The following INSIG1 variants were observed in gnomAD, a reference collection of about 807,000 sequenced individuals.
The protein encoded by INSIG1 is insulin-induced gene 1 protein.
INSIG1 carries 14 observed loss-of-function variants against 26.5 expected under a neutral mutation model. The observed-to-expected ratio is 0.53, with a 90% CI of 0.35 to 0.83. The LOEUF is 0.83. Among genes scored for constraint, INSIG1 ranks in the 40% least tolerant of loss-of-function variants. The pLI is 0.01. For missense variants in INSIG1, 272 were observed against 368.9 expected, an observed-to-expected ratio of 0.74 and a Z score of 2.15; for synonymous variants, 147 against 153.3, an observed-to-expected ratio of 0.96 and a Z score of 0.30.
At chr7:155,299,530 C>T (rs948600967) in intron 2 of INSIG1, among the ~76,000 whole-genome samples, 6 of 152,202 alleles carry the variant, frequency 3.9e-5, no homozygotes, top group African/African-American at 1.2e-4. Flanking sequence ...GTGCTTTCTG[C>T]AACCTCAACT....
intron 5 of INSIG1, among the ~76,000 whole-genome samples, chr7:155,304,121 A>T (rs1026495088): frequency 1.3e-5 from 2 of 151,538 alleles, no homozygotes; most frequent in Non-Finnish European, 2.9e-5. Context: ...ATGCCACCAT[A>T]CCCGGCTAAC....
At chr7:155,305,254 ACT>A (rs1797907659) in intron 5 of INSIG1, among the ~76,000 whole-genome samples, 1 of 151,678 alleles carries the variant, frequency 6.6e-6, no homozygotes, top group Non-Finnish European at 1.5e-5. Context: ...CCCGCCTACC[ACT>A]GTTTTTATTC....
rs1358973756 is a variant in INSIG1 at position 155,298,386 on chromosome 7, T to C, written c.101T>C (p.Val34Ala). The change falls in exon 2 of 6, where the codon GTT (valine) becomes GCT (alanine). Residue 34 changes from valine to alanine, a missense_variant. Val to Ala is a moderately conservative substitution (Grantham distance 64). This residue lies in a region of INSIG1 where 161 missense variants were observed against 179.2 expected (regional missense o/e 0.90). Coordinates refer to ENST00000340368, the MANE Select transcript of INSIG1 (RefSeq NM_005542.6). Reference sequence around the variant, plus strand: ...AGCGCCGCGGGGCTGGCGGCCAAGGTTGGGGAGATGATCAACGTTTCCGTG... The same window carrying C: ...AGCGCCGCGGGGCTGGCGGCCAAGGCTGGGGAGATGATCAACGTTTCCGTG... ...RASAAGLAAK[V>A]GEMINVSVSG... 1.9e-6 allele frequency: 3 copies of C among 1,562,814 alleles called. No homozygotes were observed. Among genetic ancestry groups the C allele is most frequent in the East Asian group, 2.3e-5 (1 of 43,180 alleles).
rs1797995730 is a variant in INSIG1 at position 155,308,420 on chromosome 7, C to T, written c.*150C>T. 1 of 901,268 alleles carries T rather than the reference C, an allele frequency of 1.1e-6. No homozygotes were observed. The highest frequency in any genetic ancestry group is 1.8e-6 in the Non-Finnish European group (1 of 543,534). 55.8% of individuals were successfully genotyped at this position (901,268 alleles called of 1,614,324 possible). ...TCCTGGAAAAAACTCTTCACCTAGTCTAGAATAGGGAGGTGGAGAATGATG... is the reference window on the plus strand; with the variant it reads ...TCCTGGAAAAAACTCTTCACCTAGTTTAGAATAGGGAGGTGGAGAATGATG... On this transcript the variant is annotated 3_prime_UTR_variant, in exon 6 of 6. Transcript: ENST00000340368.
At chr7:155,298,924 T>C (rs1797710046) in intron 2 of INSIG1, among the ~76,000 whole-genome samples, 1 of 152,132 alleles carries the variant, frequency 6.6e-6, no homozygotes, top group Non-Finnish European at 1.5e-5. Flanking sequence ...AGCACAGTGA[T>C]GGAGATGAGG....
At chr7:155,298,141 G>C in intron 1 of INSIG1, 118 bp from the exon 2 acceptor site, 1 of 812,018 alleles carries the variant, frequency 1.2e-6, no homozygotes, top group Non-Finnish European at 1.7e-6. Context: ...CGGGCGCACG[G>C]GGGTCTAACC....
At chr7:155,299,641 C>G (rs1797731594) in intron 2 of INSIG1, among the ~76,000 whole-genome samples, 1 of 152,334 alleles carries the variant, frequency 6.6e-6, no homozygotes, top group Middle Eastern at 3.4e-3. Context: ...ATGTCAGTGA[C>G]TCCAGTGCAG....
At position 155,298,295 on chromosome 7, in the gene INSIG1, T is replaced by G. The variant is rs764575142; in HGVS notation, c.10T>G (p.Leu4Val). The G allele has an allele frequency of 2.0e-6, 3 of 1,488,910 alleles. No individual in the cohort carries two copies. The highest frequency in any genetic ancestry group is 2.7e-6 in the Non-Finnish European group (3 of 1,125,472). The allele number at this position is 1,488,910 out of a possible 1,614,324, so 92.2% of individuals were successfully genotyped here. MPR[L>V]HDHFWSCSCA... ...TGGACGCGTGTGACCGATGCCCAGA[T>G]TGCACGACCACTTCTGGAGCTGCTC... The change falls in exon 2 of 6, where the codon TTG becomes GTG. Residue 4 changes from leucine to valine, a missense_variant. By Grantham distance (32) the Leu-to-Val change is conservative. Around this residue, in one of 2 missense-constraint regions of INSIG1, gnomAD observed 161 missense variants for 179.2 expected, o/e 0.90. Transcript: ENST00000340368.
rs746866191 is a variant in INSIG1, at chr7:155,303,931, C to CTG, written c.804+1086_804+1087dup. 1.2e-5 allele frequency: 14 copies of CTG among 1,145,266 alleles called. No homozygotes were observed. In the African/African-American group the frequency reaches 2.1e-4, roughly 17 times the overall value. 70.9% of individuals were successfully genotyped at this position (1,145,266 alleles called of 1,614,324 possible). On this transcript the variant is annotated intron_variant, in intron 5 of 5. Coordinates refer to ENST00000340368, the MANE Select transcript of INSIG1 (RefSeq NM_005542.6). Reference sequence around the variant, plus strand: ...CAGTCTTCCACTGGTTACTGACTCTCTGCTGCCAAATTTCTCATGATGGAG... The same window carrying CTG: ...CAGTCTTCCACTGGTTACTGACTCTCTGTGCTGCCAAATTTCTCATGATGGAG...
chr7:155,301,962 AATAT>A (rs906923106), intron 3 of INSIG1, among the ~76,000 whole-genome samples: 5 of 146,222 alleles, frequency 3.4e-5, no homozygotes, highest in African/African-American at 1.2e-4. Flanking sequence ...ATATATAATA[AATAT>A]ATATTTATAT....
chr7:155,302,975 AGC>A lies in INSIG1; in HGVS notation c.804+130_804+131del. On this transcript the variant is annotated intron_variant, in intron 5 of 5. Coordinates refer to ENST00000340368, the MANE Select transcript of INSIG1 (RefSeq NM_005542.6). This position sits in a 1 kb window ranked among gnomAD's most constrained non-coding sequence, Gnocchi z 4.3. The stretch of plus-strand genomic sequence containing the variant: ...GACTTGAGTGACAACTACTGAGAAA[AGC>A]TTATATTTAAAAAAATAGGTAATGA... The A allele has an allele frequency of 1.7e-6, 1 of 577,222 alleles. No homozygotes were observed. The highest frequency in any genetic ancestry group is 3.1e-6 in the Non-Finnish European group (1 of 318,594). 35.8% of individuals were successfully genotyped at this position (577,222 alleles called of 1,614,324 possible). A position where few individuals can be genotyped will look rare whatever the true frequency, so the allele number is the denominator to read the frequency against.
chr7:155,297,961 T>TCTTGG lies in INSIG1; in HGVS notation c.-28+2_-28+3insCTTGG. The TCTTGG allele has an allele frequency of 1.4e-5, 3 of 217,808 alleles. 1 individual carries two copies. The highest frequency in any genetic ancestry group is 2.7e-5 in the Non-Finnish European group (3 of 111,348). 13.5% of individuals were successfully genotyped at this position (217,808 alleles called of 1,614,324 possible). Reference sequence around the variant, plus strand: ...GGCGGGCGGGCGCCTCTCGGCCAGGTACGCGGCCGGCTGGGATAGGGGTCG... The same window carrying TCTTGG: ...GGCGGGCGGGCGCCTCTCGGCCAGGTCTTGGACGCGGCCGGCTGGGATAGGGGTCG... On this transcript the variant is annotated splice_region_variant and intron_variant, in intron 1 of 5. Coordinates refer to ENST00000340368, the MANE Select transcript of INSIG1 (RefSeq NM_005542.6).
At chr7:155,303,858 A>C (rs1240995423) in intron 5 of INSIG1, 1 of 1,365,970 alleles carries the variant, frequency 7.3e-7, no homozygotes, top group Non-Finnish European at 9.8e-7. Context: ...GAATTTGAAG[A>C]CCACTTGGCT....
At chr7:155,306,795 C>A (rs1203631226) in intron 5 of INSIG1, among the ~76,000 whole-genome samples, 10 of 150,672 alleles carry the variant, frequency 6.6e-5, no homozygotes, top group Admixed American at 6.6e-4. Flanking sequence ...CCACACTGCC[C>A]TTTCAACACA....
Position 155,308,580 on chromosome 7 carries a change from G to C in INSIG1, c.*310G>C. On this transcript the variant is annotated 3_prime_UTR_variant, in exon 6 of 6. Coordinates refer to ENST00000340368, the MANE Select transcript of INSIG1 (RefSeq NM_005542.6). ...GATTTCATTCATGTGATTAAAACAAGTTGCCATATTTCAAAGCCTTGAACT... is the reference window on the plus strand; with the variant it reads ...GATTTCATTCATGTGATTAAAACAACTTGCCATATTTCAAAGCCTTGAACT... The C allele has an allele frequency of 2.8e-6, 1 of 358,712 alleles. No individual in the cohort carries two copies. Among genetic ancestry groups the C allele is most frequent in the South Asian group, 4.9e-5 (1 of 20,504 alleles). The allele number at this position is 358,712 out of a possible 1,614,324, so 22.2% of individuals were successfully genotyped here. A position where few individuals can be genotyped will look rare whatever the true frequency, so the allele number is the denominator to read the frequency against.
chr7:155,307,684 A>C (rs1466842016), intron 5 of INSIG1, among the ~76,000 whole-genome samples: 4 of 152,240 alleles, frequency 2.6e-5, no homozygotes. Context: ...ACAGAGCTTC[A>C]GTATTACAAA....
chr7:155,302,575 A>G lies in INSIG1; in HGVS notation c.704+158A>G, dbSNP rs2150897622. The G allele has an allele frequency of 1.0e-6, 1 of 980,150 alleles. No individual in the cohort carries two copies. The highest frequency in any genetic ancestry group is 1.5e-6 in the Non-Finnish European group (1 of 673,118). The allele number at this position is 980,150 out of a possible 1,614,324, so 60.7% of individuals were successfully genotyped here. A position where few individuals can be genotyped will look rare whatever the true frequency, so the allele number is the denominator to read the frequency against. On this transcript the variant is annotated intron_variant, in intron 4 of 5. Coordinates refer to ENST00000340368, the MANE Select transcript of INSIG1 (RefSeq NM_005542.6). The surrounding 1 kb of genome is among the most constrained non-coding windows in gnomAD (Gnocchi z 4.3). ...CAAAAATGCTGCTATCCATAACTTA[A>G]TGTAACGCAAAGGAAAACCAAGTAG...
intron 5 of INSIG1, 33 bp from the exon 6 acceptor site, chr7:155,308,208 C>T (rs1245556373): frequency 8.6e-7 from 1 of 1,163,316 alleles, no homozygotes; most frequent in African/African-American, 1.5e-5. Context: ...TGCTAATTTT[C>T]TCTTTCCTTT....
chr7:155,302,112 A>G lies in INSIG1; in HGVS notation c.538-139A>G, dbSNP rs1388079071. On this transcript the variant is annotated intron_variant, in intron 3 of 5. Transcript: ENST00000340368. The surrounding 1 kb of genome is among the most constrained non-coding windows in gnomAD (Gnocchi z 4.3). ...CCTGTATCCAACAAATCCTTTCTTT[A>G]GCTTATTACACAGTTTTTATGGACA... is the stretch of plus-strand genomic sequence containing the variant. The G allele has an allele frequency of 3.5e-6, 2 of 577,064 alleles. No individual in the cohort carries two copies. Among genetic ancestry groups the G allele is most frequent in the East Asian group, 3.2e-5 (1 of 30,896 alleles). The allele number at this position is 577,064 out of a possible 1,614,324, so 35.7% of individuals were successfully genotyped here. A position where few individuals can be genotyped will look rare whatever the true frequency, so the allele number is the denominator to read the frequency against.
Sources: allele counts gnomAD v4.1 joint callset (sites outside exome capture counted in the v4.1 genomes callset), GRCh38; gene constraint gnomAD v4.1.1; regional missense constraint gnomAD v4.1.1; non-coding constraint Gnocchi (gnomAD v3.1); transcripts MANE v1.5; gene names NCBI Gene and HGNC (gene_info 2026-07-23, HGNC 2026-07-21).